VAPB: variants seen among roughly 807,000 people sequenced by gnomAD.
The protein encoded by VAPB is vesicle-associated membrane protein-associated protein B/C.
VAPB carries 7 observed loss-of-function variants against 25.6 expected under a neutral mutation model. The observed-to-expected ratio is 0.27, with a 90% CI of 0.16 to 0.51. The LOEUF is 0.51. VAPB is among the 20% of genes least tolerant of loss of function. VAPB has a pLI of 0.97. For synonymous variants in VAPB, 112 were observed against 109.2 expected (o/e 1.03, Z -0.16); for missense variants, 266 against 301.3 (o/e 0.88, Z 0.87).
At chr20:58,422,221 A>AT (rs1988683541) in intron 2 of VAPB, among the ~76,000 whole-genome samples, 1 of 152,008 alleles carries the variant, frequency 6.6e-6, no homozygotes, top group African/African-American at 2.4e-5. Flanking sequence ...TGCTTTTTGG[A>AT]TGAGGTCACA....
At chr20:58,391,604 C>G (rs1426454014) in intron 1 of VAPB, among the ~76,000 whole-genome samples, 2 of 152,046 alleles carry the variant, frequency 1.3e-5, no homozygotes, top group East Asian at 3.9e-4. Flanking sequence ...CGCCATCTCA[C>G]TGCAGCCTCT....
chr20:58,398,032 C>T (rs1289959400), intron 1 of VAPB, among the ~76,000 whole-genome samples: 1 of 152,188 alleles, frequency 6.6e-6, no homozygotes, highest in Non-Finnish European at 1.5e-5. Flanking sequence ...TCCTCAGAAA[C>T]CCATTGTCAG....
Position 58,396,193 on chromosome 20 carries a change from C to T in VAPB, c.58+6676C>T, listed in dbSNP as rs1454760654. Reference sequence around the variant, plus strand: ...TTCTTGGAGTTTTCCTTCATCCTTTCAGAAGGGCTAATATTGACCTTTGGT... The same window carrying T: ...TTCTTGGAGTTTTCCTTCATCCTTTTAGAAGGGCTAATATTGACCTTTGGT... On this transcript the variant is annotated intron_variant, in intron 1 of 5. Coordinates refer to ENST00000475243, the MANE Select transcript of VAPB (RefSeq NM_004738.5). 2.0e-5 allele frequency among the ~76,000 whole-genome samples: 3 copies of T among 152,158 alleles called. No individual in the cohort carries two copies. In the East Asian group the frequency reaches 5.8e-4, roughly 29 times the overall value.
chr20:58,431,814 C>T (rs1439777995), intron 2 of VAPB, among the ~76,000 whole-genome samples: 2 of 152,134 alleles, frequency 1.3e-5, no homozygotes, highest in African/African-American at 4.8e-5. Context: ...CCGCCTTGGC[C>T]TCCCAAAGTG....
intron 2 of VAPB, among the ~76,000 whole-genome samples, chr20:58,422,310 G>A (rs2123065386): frequency 6.6e-6 from 1 of 152,300 alleles, no homozygotes; most frequent in East Asian, 1.9e-4. Context: ...GTTGCTCCAT[G>A]ATACATACTA....
intron 1 of VAPB, among the ~76,000 whole-genome samples, chr20:58,404,333 T>TTGA (rs1988174077): frequency 6.6e-6 from 1 of 152,156 alleles, no homozygotes; most frequent in African/African-American, 2.4e-5. Context: ...CTTCAGCCAT[T>TTGA]TGATGCCCCC....
intron 1 of VAPB, among the ~76,000 whole-genome samples, chr20:58,395,929 T>G (rs1987948534): frequency 6.6e-6 from 1 of 152,138 alleles, no homozygotes; most frequent in Admixed American, 6.5e-5. Context: ...ACAAAATAAC[T>G]GAATGTGGTA....
chr20:58,391,267 A>G (rs1302533571), intron 1 of VAPB, among the ~76,000 whole-genome samples: 3 of 152,222 alleles, frequency 2.0e-5, no homozygotes, highest in African/African-American at 2.4e-5. Flanking sequence ...GTACTCTCCT[A>G]TTTTCCCTCA....
chr20:58,445,684 CTGTGTGTGTGTGTG>C lies in VAPB; in HGVS notation c.*1473_*1486del, dbSNP rs138225455. ...GAAATACGTGTTTCATGATTTAACT[CTGTGTGTGTGTGTG>C]TGTGTGTGTGTGTGTGTGTGTGTAT... is the stretch of plus-strand genomic sequence containing the variant. On this transcript the variant is annotated 3_prime_UTR_variant, in exon 6 of 6. Transcript: ENST00000475243. The C allele has an allele frequency of 2.9e-4, 127 of 432,700 alleles. 2 individuals are homozygous for C. The highest frequency in any genetic ancestry group is 2.9e-3 in the Middle Eastern group (4 of 1,382). 26.8% of individuals were successfully genotyped at this position (432,700 alleles called of 1,614,324 possible). A position where few individuals can be genotyped will look rare whatever the true frequency, so the allele number is the denominator to read the frequency against.
chr20:58,416,658 A>G lies in VAPB; in HGVS notation c.59-1553A>G, dbSNP rs183592532. Among the ~76,000 whole-genome samples, 43 of 152,308 alleles carry G rather than the reference A, an allele frequency of 2.8e-4. 1 individual carries two copies. Among genetic ancestry groups the G allele is most frequent in the Admixed American group, 2.4e-3 (36 of 15,302 alleles). Reference sequence around the variant, plus strand: ...ATGTTTTCAAAATAAGTCTCATAGCAGAACTAGCTGTCGTTTGATTTTGGG... The same window carrying G: ...ATGTTTTCAAAATAAGTCTCATAGCGGAACTAGCTGTCGTTTGATTTTGGG... On this transcript the variant is annotated intron_variant, in intron 1 of 5. Coordinates refer to ENST00000475243, the MANE Select transcript of VAPB (RefSeq NM_004738.5).
At chr20:58,403,257 C>G (rs777741112) in intron 1 of VAPB, among the ~76,000 whole-genome samples, 2 of 152,150 alleles carry the variant, frequency 1.3e-5, no homozygotes, top group African/African-American at 4.8e-5. Context: ...GGTGTGTGTT[C>G]TTTTACCCCA....
intron 2 of VAPB, 121 bp from the exon 3 acceptor site, chr20:58,434,481 C>A: frequency 1.4e-6 from 1 of 693,724 alleles, no homozygotes. Context: ...CCAGGGGCGT[C>A]CATCCTAAGA....
chr20:58,398,756 G>T (rs1379746611), intron 1 of VAPB, among the ~76,000 whole-genome samples: 1 of 152,090 alleles, frequency 6.6e-6, no homozygotes, highest in Non-Finnish European at 1.5e-5. Context: ...CTAGGAAGTG[G>T]GTACAGTTAT....
chr20:58,413,718 G>A (rs1352466360), intron 1 of VAPB, among the ~76,000 whole-genome samples: 1 of 151,882 alleles, frequency 6.6e-6, no homozygotes, highest in Non-Finnish European at 1.5e-5. Context: ...CCCAGTAGGG[G>A]CGGCCGGGCA....
In VAPB at chr20:58,446,859, G is replaced by T; in HGVS notation, c.*2624G>T. 1 of 454,070 alleles carries T rather than the reference G, an allele frequency of 2.2e-6. No individual in the cohort carries two copies. Among genetic ancestry groups the T allele is most frequent in the Non-Finnish European group, 4.4e-6 (1 of 226,780 alleles). 28.1% of individuals were successfully genotyped at this position (454,070 alleles called of 1,614,324 possible). A position where few individuals can be genotyped will look rare whatever the true frequency, so the allele number is the denominator to read the frequency against. Reference sequence around the variant, plus strand: ...TGTGGAGCACGCGTGGCTCCTGGAGGACTTGGAGATGCATGCACATTTAGG... The same window carrying T: ...TGTGGAGCACGCGTGGCTCCTGGAGTACTTGGAGATGCATGCACATTTAGG... On this transcript the variant is annotated 3_prime_UTR_variant, in exon 6 of 6. Transcript: ENST00000475243.
At chr20:58,427,851 G>C (rs1265842167) in intron 2 of VAPB, among the ~76,000 whole-genome samples, 1 of 151,390 alleles carries the variant, frequency 6.6e-6, no homozygotes, top group Non-Finnish European at 1.5e-5. Context: ...TGGTGAAAGT[G>C]ATCTGTGATC....
At chr20:58,401,649 T>C (rs1988098046) in intron 1 of VAPB, among the ~76,000 whole-genome samples, 1 of 152,132 alleles carries the variant, frequency 6.6e-6, no homozygotes, top group Admixed American at 6.5e-5. Context: ...CTTCTCCCCC[T>C]CTTCTCCTTT....
At chr20:58,401,755 A>T (rs941609745) in intron 1 of VAPB, among the ~76,000 whole-genome samples, 2 of 152,128 alleles carry the variant, frequency 1.3e-5, no homozygotes, top group Non-Finnish European at 2.9e-5. Context: ...TCACTTATGT[A>T]TGAACCCAGG....
chr20:58,418,966 A>ATT (rs1988610886), intron 2 of VAPB, among the ~76,000 whole-genome samples: 1 of 152,202 alleles, frequency 6.6e-6, no homozygotes, highest in South Asian at 2.1e-4. Context: ...CACCTTTTGA[A>ATT]AAATACTGGT....
Sources: allele counts gnomAD v4.1 joint callset (sites outside exome capture counted in the v4.1 genomes callset), GRCh38; gene constraint gnomAD v4.1.1; transcripts MANE v1.5; gene names NCBI Gene and HGNC (gene_info 2026-07-23, HGNC 2026-07-21).